DYNC2H1: variants seen among roughly 807,000 people sequenced by gnomAD.
The protein encoded by DYNC2H1 is dynein cytoplasmic 2 heavy chain 1, also known as cytoplasmic dynein 2 heavy chain 1.
DYNC2H1 carries 410 observed loss-of-function variants against 570.0 expected under a neutral mutation model. The ratio of observed to expected loss-of-function variants is 0.72; its 90% confidence interval spans 0.66 to 0.78. DYNC2H1 has a LOEUF of 0.78. DYNC2H1 is among the 30% of genes least tolerant of loss of function. The pLI, the probability that DYNC2H1 is intolerant of heterozygous loss-of-function variation, is 0.00. For synonymous variants in DYNC2H1, 1,688 were observed against 1,677.6 expected (o/e 1.01, Z -0.15); for missense variants, 4,865 against 5,046.4 (o/e 0.96, Z 1.09).
At chr11:103,231,519 T>C (rs373240394) in intron 60 of DYNC2H1, among the ~76,000 whole-genome samples, 173 bp downstream of exon 60, 6 of 152,108 alleles carry the variant, frequency 3.9e-5, no homozygotes, top group South Asian at 2.1e-4. Context: ...AAAAATTCTA[T>C]CCTTTTAACT....
intron 85 of DYNC2H1, among the ~76,000 whole-genome samples, chr11:103,453,123 AGTATATAG>A (rs1464272917): frequency 7.1e-6 from 1 of 141,708 alleles, no homozygotes; most frequent in East Asian, 2.2e-4. Flanking sequence ...AAGAATTATG[AGTATATAG>A]TCTCATAGTC....
chr11:103,131,441 C>T lies in DYNC2H1; in HGVS notation c.1954-2114C>T, dbSNP rs1311921457. 2.0e-5 allele frequency among the ~76,000 whole-genome samples: 3 copies of T among 152,122 alleles called. No individual in the cohort carries two copies. The South Asian group carries it at 6.2e-4, about 31-fold the overall frequency. On this transcript the variant is annotated intron_variant, in intron 13 of 88. Coordinates refer to ENST00000375735, the MANE Select transcript of DYNC2H1 (RefSeq NM_001377.3). ...TAGCTGGCACTACAGGTGCCCACCA[C>T]CATGCCCAGCTAATTTTTTTGTATT...
At chr11:103,443,789 C>T (rs1461545844) in intron 85 of DYNC2H1, among the ~76,000 whole-genome samples, 3 of 151,142 alleles carry the variant, frequency 2.0e-5, no homozygotes, top group Non-Finnish European at 3.0e-5. Flanking sequence ...TTATTTTTTT[C>T]TCTCCTTTGT....
chr11:103,469,411 CTT>C (rs1945297953), intron 88 of DYNC2H1, among the ~76,000 whole-genome samples: 2 of 152,122 alleles, frequency 1.3e-5, no homozygotes, highest in South Asian at 4.1e-4. Flanking sequence ...TGTGAATAAA[CTT>C]TAAAGTTCTG....
At chr11:103,143,927 T>G (rs1022286755) in intron 18 of DYNC2H1, among the ~76,000 whole-genome samples, 22 of 152,228 alleles carry the variant, frequency 1.4e-4, no homozygotes, top group African/African-American at 5.3e-4. Flanking sequence ...ATAAGTTCCA[T>G]GAAAGGCCTT....
At chr11:103,136,592 A>G (rs1195791308) in intron 17 of DYNC2H1, among the ~76,000 whole-genome samples, 3 of 152,196 alleles carry the variant, frequency 2.0e-5, no homozygotes, top group South Asian at 4.1e-4. Context: ...TCCATGGTGT[A>G]TATGTGCCAC....
chr11:103,307,037 C>G (rs978393898), intron 77 of DYNC2H1, among the ~76,000 whole-genome samples: 2 of 152,170 alleles, frequency 1.3e-5, no homozygotes, highest in South Asian at 4.1e-4. Flanking sequence ...TCCACTAAGA[C>G]ATAATATTTA....
At chr11:103,158,251 T>C (rs1388255851) in intron 26 of DYNC2H1, among the ~76,000 whole-genome samples, 2 of 152,082 alleles carry the variant, frequency 1.3e-5, no homozygotes, top group Non-Finnish European at 2.9e-5. Flanking sequence ...ATCGAGACCA[T>C]CGTGGCTAAC....
rs149332481 is a variant in DYNC2H1, at chr11:103,472,351, C to T, written c.12765+3646C>T. On this transcript the variant is annotated intron_variant, in intron 88 of 88. Transcript: ENST00000375735. This position sits in a 1 kb window ranked among gnomAD's most constrained non-coding sequence, Gnocchi z 4.1. ...CCTGGCTTGGGCAACATAGCAAGAC[C>T]CCATCTTTATTAAATAAAAAAAGAA... Among the ~76,000 whole-genome samples the T allele has an allele frequency of 1.7e-3, 250 of 147,276 alleles. 1 individual carries two copies. The highest frequency in any genetic ancestry group is 3.5e-3 in the Middle Eastern group (1 of 286).
At chr11:103,229,141 A>T (rs185953725) in intron 59 of DYNC2H1, among the ~76,000 whole-genome samples, 1 of 152,320 alleles carries the variant, frequency 6.6e-6, no homozygotes, top group Non-Finnish European at 1.5e-5. Context: ...CAGGGCTGAG[A>T]ACTTGCCCCA....
At chr11:103,226,899 T>C (rs1863820994) in intron 59 of DYNC2H1, among the ~76,000 whole-genome samples, 2 of 152,198 alleles carry the variant, frequency 1.3e-5, no homozygotes, top group South Asian at 4.1e-4. Flanking sequence ...GTTCTATATC[T>C]TCCTGGTTTA....
chr11:103,119,092 T>C (rs1201328481), intron 6 of DYNC2H1, among the ~76,000 whole-genome samples: 1 of 152,226 alleles, frequency 6.6e-6, no homozygotes, highest in Non-Finnish European at 1.5e-5. Flanking sequence ...GCAGTATAGA[T>C]AATTGCTTAT....
intron 63 of DYNC2H1, among the ~76,000 whole-genome samples, chr11:103,240,380 C>T (rs868479174): frequency 5.9e-5 from 9 of 152,050 alleles, no homozygotes; most frequent in African/African-American, 2.2e-4. Flanking sequence ...ATATTGATAA[C>T]CCATCAGAAA....
At chr11:103,287,098 C>T (rs1313203986) in intron 74 of DYNC2H1, among the ~76,000 whole-genome samples, 3 of 152,068 alleles carry the variant, frequency 2.0e-5, no homozygotes, top group Non-Finnish European at 1.5e-5. Context: ...GATGTGATTG[C>T]ACCACTGCAC....
At chr11:103,430,367 G>T (rs186591563) in intron 84 of DYNC2H1, among the ~76,000 whole-genome samples, 2 of 152,020 alleles carry the variant, frequency 1.3e-5, no homozygotes, top group Non-Finnish European at 2.9e-5. Flanking sequence ...GATAAAATGC[G>T]TATAACAGTG....
At chr11:103,193,585 C>T (rs1207456305) in intron 47 of DYNC2H1, among the ~76,000 whole-genome samples, 1 of 150,700 alleles carries the variant, frequency 6.6e-6, no homozygotes, top group African/African-American at 2.4e-5. Flanking sequence ...TTCTTGTTGC[C>T]CAGGCTGGAG....
chr11:103,440,417 A>C (rs1591760302), intron 85 of DYNC2H1, among the ~76,000 whole-genome samples: 1 of 151,842 alleles, frequency 6.6e-6, no homozygotes, highest in Non-Finnish European at 1.5e-5. Flanking sequence ...GACGACTTGA[A>C]CTCCACTCAG....
chr11:103,160,190 A>G (rs1258187867), intron 28 of DYNC2H1, among the ~76,000 whole-genome samples: 1 of 152,084 alleles, frequency 6.6e-6, no homozygotes, highest in African/African-American at 2.4e-5. Flanking sequence ...TTTTCTTTAT[A>G]TTGCAAATAA....
chr11:103,229,819 A>G (rs1863937539), intron 59 of DYNC2H1, among the ~76,000 whole-genome samples: 1 of 152,198 alleles, frequency 6.6e-6, no homozygotes, highest in Non-Finnish European at 1.5e-5. Context: ...TTGCATGTCT[A>G]AAAGTGTCTA....
Sources: gnomAD v4.1 joint callset for allele counts (sites outside exome capture counted in the v4.1 genomes callset) on GRCh38, gnomAD v4.1.1 for gene constraint, Gnocchi (gnomAD v3.1) non-coding constraint, MANE v1.5 for transcripts, NCBI Gene and HGNC (gene_info 2026-07-23, HGNC 2026-07-21) for gene names.